The following PRKCH variants were observed in gnomAD, a reference collection of about 807,000 sequenced individuals.
PRKCH encodes protein kinase C eta type.
Under a neutral mutation model 82.5 loss-of-function variants are expected in PRKCH, and 28 were observed. The observed-to-expected ratio is 0.34, with a 90% CI of 0.25 to 0.47. The LOEUF (loss-of-function observed/expected upper bound fraction) is 0.47. Among genes scored for constraint, PRKCH ranks in the 20% least tolerant of loss-of-function variants. The pLI, the probability that PRKCH is intolerant of heterozygous loss-of-function variation, is 1.00. For synonymous variants in PRKCH, 322 were observed against 327.4 expected (o/e 0.98, Z 0.18); for missense variants, 705 against 881.8 (o/e 0.80, Z 2.54).
intron 1 of PRKCH, among the ~76,000 whole-genome samples, chr14:61,337,129 G>GGA (rs2045868177): frequency 7.6e-6 from 1 of 132,086 alleles, no homozygotes; most frequent in African/African-American, 2.7e-5. Flanking sequence ...ATGTATTCAA[G>GGA]GACACCAACA....
At chr14:61,491,687 GT>G (rs1042607824) in intron 10 of PRKCH, among the ~76,000 whole-genome samples, 26 of 152,196 alleles carry the variant, frequency 1.7e-4, no homozygotes, top group Non-Finnish European at 3.1e-4. Context: ...CTCAAATGGG[GT>G]CTTCCCTTTT....
intron 1 of PRKCH, among the ~76,000 whole-genome samples, chr14:61,367,071 C>G (rs758432821): frequency 5.9e-5 from 9 of 151,972 alleles, no homozygotes; most frequent in Non-Finnish European, 8.8e-5. Context: ...AGCAATGACC[C>G]AAGGGTTATA....
intron 7 of PRKCH, among the ~76,000 whole-genome samples, chr14:61,454,560 A>AAAGCG (rs1884673226): frequency 1.3e-5 from 2 of 152,208 alleles, no homozygotes; most frequent in African/African-American, 4.8e-5. Flanking sequence ...TTCAACTTGA[A>AAAGCG]GATCTCAGAG....
At chr14:61,234,190 C>G (rs1328546018) in intron 1 of PRKCH, among the ~76,000 whole-genome samples, 1 of 152,182 alleles carries the variant, frequency 6.6e-6, no homozygotes, top group Non-Finnish European at 1.5e-5. Context: ...ACATAACCCA[C>G]CCCTATTAGG....
At chr14:61,325,550 G>A (rs1276711885) in intron 1 of PRKCH, among the ~76,000 whole-genome samples, 1 of 152,044 alleles carries the variant, frequency 6.6e-6, no homozygotes, top group Non-Finnish European at 1.5e-5. Flanking sequence ...GTGACCTTGG[G>A]TTCAGCAAAA....
At chr14:61,300,361 A>G (rs561399924) in intron 1 of PRKCH, among the ~76,000 whole-genome samples, 5 of 152,360 alleles carry the variant, frequency 3.3e-5, no homozygotes, top group African/African-American at 1.2e-4. Context: ...CCATATGACT[A>G]TCATTCAAGC....
At chr14:61,227,002 C>T (rs550071340) in intron 1 of PRKCH, among the ~76,000 whole-genome samples, 47 of 152,306 alleles carry the variant, frequency 3.1e-4, no homozygotes, top group Admixed American at 8.5e-4. Context: ...TGGGCAATGC[C>T]TTGGTCCATT....
At chr14:61,544,358 G>A (rs1356832056) in intron 12 of PRKCH, 1 of 152,184 alleles carries the variant, frequency 6.6e-6, no homozygotes, top group Non-Finnish European at 1.5e-5. Flanking sequence ...CTTTTCATGT[G>A]ATGTGACATT....
At chr14:61,208,234 C>A (rs1428560355) in intron 1 of PRKCH, among the ~76,000 whole-genome samples, 2 of 151,912 alleles carry the variant, frequency 1.3e-5, no homozygotes, top group Admixed American at 6.6e-5. Context: ...ATTTTAAAAC[C>A]ATTTTTAAGT....
intron 2 of PRKCH, among the ~76,000 whole-genome samples, chr14:61,404,679 G>A (rs1430772099): frequency 6.6e-6 from 1 of 152,178 alleles, no homozygotes; most frequent in African/African-American, 2.4e-5. Context: ...ATAAAACAGA[G>A]TAAGAGGACA....
chr14:61,432,580 C>G (rs1883459084), intron 2 of PRKCH, among the ~76,000 whole-genome samples: 1 of 152,186 alleles, frequency 6.6e-6, no homozygotes, highest in Non-Finnish European at 1.5e-5. Context: ...AGCAGTCCTC[C>G]TGCCTTGGCC....
chr14:61,526,555 G>C (rs1088668), intron 10 of PRKCH, among the ~76,000 whole-genome samples: 149,709 of 152,348 alleles, frequency 0.98, 73,611 homozygotes, highest in East Asian at 1. Flanking sequence ...TCACAGGACA[G>C]CGTGTGGAAA....
intron 1 of PRKCH, among the ~76,000 whole-genome samples, chr14:61,299,446 C>A (rs542258020): frequency 6.6e-6 from 1 of 150,954 alleles, no homozygotes; most frequent in South Asian, 2.1e-4. Flanking sequence ...CTCCTGAGAT[C>A]TTATCGGGAA....
chr14:61,262,116 G>A (rs1005841575), intron 1 of PRKCH, among the ~76,000 whole-genome samples: 3 of 151,130 alleles, frequency 2.0e-5, no homozygotes, highest in Non-Finnish European at 4.4e-5. Context: ...AGCTACTTGG[G>A]AGGCGGAGGC....
chr14:61,407,874 C>T (rs1882043341), intron 2 of PRKCH, among the ~76,000 whole-genome samples: 2 of 152,160 alleles, frequency 1.3e-5, no homozygotes, highest in Non-Finnish European at 2.9e-5. Context: ...ACCAGTTTTG[C>T]TTTGTATGCA....
intron 10 of PRKCH, among the ~76,000 whole-genome samples, chr14:61,527,757 C>A (rs2042985542): frequency 6.6e-6 from 1 of 152,184 alleles, no homozygotes; most frequent in Admixed American, 6.5e-5. Flanking sequence ...CAGCACTCCT[C>A]TGTCCTGTGC....
chr14:61,188,408 TTCTGGCTCCGGC>T lies in PRKCH; in HGVS notation c.-19+755_-19+766del, dbSNP rs1381307534. Among the ~76,000 whole-genome samples the T allele has an allele frequency of 4.9e-3, 745 of 152,196 alleles. 13 individuals are homozygous for T. Among genetic ancestry groups the T allele is most frequent in the African/African-American group, 0.016 (681 of 41,528 alleles). ...AGGCTGGCCCGCGGCTCTCAGGCAG[TTCTGGCTCCGGC>T]TCTGGCTCCGGCTCCGGCTCCGGGT... On this transcript the variant is annotated intron_variant, in intron 1 of 3. Coordinates refer to the PRKCH transcript ENST00000555185.
chr14:61,384,624 G>C (rs1221430673), intron 1 of PRKCH, among the ~76,000 whole-genome samples: 1 of 152,002 alleles, frequency 6.6e-6, no homozygotes, highest in Non-Finnish European at 1.5e-5. Flanking sequence ...ATTTGAGGCA[G>C]CGCTGATTCA....
chr14:61,204,350 G>A (rs867877161), intron 1 of PRKCH, among the ~76,000 whole-genome samples: 1 of 152,010 alleles, frequency 6.6e-6, no homozygotes, highest in South Asian at 2.1e-4. Context: ...GGAAATTGAG[G>A]GATAGAAAGT....
Sources: gnomAD v4.1 joint callset for allele counts (sites outside exome capture counted in the v4.1 genomes callset) on GRCh38, gnomAD v4.1.1 for gene constraint, MANE v1.5 for transcripts, NCBI Gene and HGNC (gene_info 2026-07-23, HGNC 2026-07-21) for gene names.